PCDHGA1: variants seen among roughly 807,000 people sequenced by gnomAD.
PCDHGA1 encodes the protein protocadherin gamma subfamily A, 1, also known as protocadherin gamma-A1.
A neutral mutation model predicts 58.0 loss-of-function variants in PCDHGA1; 32 were observed. That is an observed-to-expected ratio of 0.55 (90% CI 0.42 to 0.74). PCDHGA1 has a LOEUF of 0.74. Ranked by LOEUF, PCDHGA1 falls within the 30% of genes least tolerant of loss-of-function variation. The pLI is 0.00. For synonymous variants in PCDHGA1, 498 were observed against 501.1 expected (o/e 0.99, Z 0.08); for missense variants, 1,205 against 1,182.3 (o/e 1.02, Z -0.28).
chr5:141,408,865 A>T (rs765751172), intron 1 of PCDHGA1: 9 of 1,613,684 alleles, frequency 5.6e-6, no homozygotes, highest in Admixed American at 1.7e-5. Flanking sequence ...GGGACCCACC[A>T]AGAAGTGCCA....
At chr5:141,352,610 G>T (rs566336530) in intron 1 of PCDHGA1, 5 of 1,613,512 alleles carry the variant, frequency 3.1e-6, no homozygotes, top group Middle Eastern at 1.6e-4. Context: ...TCCTTCTATG[G>T]TTGTATGTGC....
chr5:141,438,526 G>A (rs188552043), intron 1 of PCDHGA1, among the ~76,000 whole-genome samples: 11 of 143,330 alleles, frequency 7.7e-5, no homozygotes, highest in Non-Finnish European at 1.5e-4. Flanking sequence ...ATTTTACATG[G>A]ACTTTTCCTC....
At chr5:141,378,951 C>T (rs1775267163) in intron 1 of PCDHGA1, 1 of 152,180 alleles carries the variant, frequency 6.6e-6, no homozygotes, top group South Asian at 2.1e-4. Context: ...GAATGGAGTA[C>T]AGGGGATTCT....
intron 1 of PCDHGA1, among the ~76,000 whole-genome samples, chr5:141,368,919 AG>A (rs1297427818): frequency 1.3e-5 from 2 of 152,176 alleles, no homozygotes; most frequent in Non-Finnish European, 2.9e-5. Flanking sequence ...GGTGACAATG[AG>A]TGTCTGTCTA....
chr5:141,390,060 C>G, intron 1 of PCDHGA1: 3 of 1,614,082 alleles, frequency 1.9e-6, no homozygotes, highest in Non-Finnish European at 2.5e-6. Flanking sequence ...GAGCTGCTTC[C>G]AGCCTGGTCT....
intron 3 of PCDHGA1, 43 bp downstream of exon 3, chr5:141,505,524 G>A: frequency 6.2e-7 from 1 of 1,612,712 alleles, no homozygotes; most frequent in Non-Finnish European, 8.5e-7. Context: ...GGAGACCTGG[G>A]GTTCTGGGGT....
At position 141,332,408 on chromosome 5, in the gene PCDHGA1, T is replaced by G. The variant is rs1756406230; in HGVS notation, c.1724T>G (p.Val575Gly). The G allele has an allele frequency of 6.2e-7, 1 of 1,613,978 alleles. No homozygotes were observed. The highest frequency in any genetic ancestry group is 1.6e-4 in the Middle Eastern group (1 of 6,078). ...CTCCCCACAGATGGTTCTACCGGCG[T>G]GGAGCTGGCGCCCCTCTCCGCAGAG... ...PALPTDGSTGVELAPLSAEPG... is the reference protein window; with the variant it reads ...PALPTDGSTGGELAPLSAEPG... Residue 575 changes from valine (V) to glycine (G), a missense_variant, in exon 1 of 4, where the codon GTG (valine) becomes GGG (glycine). Transcript: ENST00000517417. This position sits in a 1 kb window ranked among gnomAD's most constrained non-coding sequence, Gnocchi z 4.6.
intron 1 of PCDHGA1, chr5:141,419,788 A>G (rs750179874): frequency 6.2e-7 from 1 of 1,614,054 alleles, no homozygotes; most frequent in Non-Finnish European, 8.5e-7. Context: ...AGCGCCTGCT[A>G]GTCGCTGTAA....
intron 1 of PCDHGA1, chr5:141,365,931 C>T (rs1221190365): frequency 6.2e-7 from 1 of 1,614,112 alleles, no homozygotes; most frequent in African/African-American, 1.3e-5. Flanking sequence ...TGGGTGACAG[C>T]CAGCGACAGT....
chr5:141,339,915 ATGAAATTGATAT>A, intron 1 of PCDHGA1: 1 of 1,614,176 alleles, frequency 6.2e-7, no homozygotes, highest in Non-Finnish European at 8.5e-7. Flanking sequence ...GCTACATTCC[ATGAAATTGATAT>A]TGAAGCTCAG....
At chr5:141,339,988 T>G in intron 1 of PCDHGA1, 3 of 1,614,202 alleles carry the variant, frequency 1.9e-6, no homozygotes, top group African/African-American at 1.3e-5. Flanking sequence ...CGGTTCTGGA[T>G]GTGAATGACA....
intron 1 of PCDHGA1, chr5:141,360,206 T>G: frequency 6.2e-7 from 1 of 1,613,114 alleles, no homozygotes; most frequent in Admixed American, 1.7e-5. Context: ...CTGTTGTCTT[T>G]GTTCCCCGGG....
chr5:141,438,579 CATACATACATACATATAT>C (rs1303045573), intron 1 of PCDHGA1, among the ~76,000 whole-genome samples: 21 of 55,772 alleles, frequency 3.8e-4, no homozygotes, highest in Admixed American at 1.1e-3. Context: ...GATATACATA[CATACATACATACATATAT>C]ATATATATAT....
intron 1 of PCDHGA1, chr5:141,396,409 A>C (rs2093377043): frequency 6.6e-6 from 1 of 152,270 alleles, no homozygotes; most frequent in Non-Finnish European, 1.5e-5. Context: ...ACCTGAGGTC[A>C]GGAGTTCAAG....
Position 141,491,190 on chromosome 5 carries a change from C to A in PCDHGA1, c.2422-3617C>A, listed in dbSNP as rs759736855. On this transcript the variant is annotated intron_variant, in intron 1 of 3. Transcript: ENST00000517417. The surrounding 1 kb of genome is among the most constrained non-coding windows in gnomAD (Gnocchi z 6.9). ...AGCAGGTGGTGGTCCTGGTGAGGGA[C>A]AATGGTGACCCTTCACTCTCCTCCA... 1 of 1,614,192 alleles carries A rather than the reference C, an allele frequency of 6.2e-7. No homozygotes were observed. The highest frequency in any genetic ancestry group is 1.1e-5 in the South Asian group (1 of 91,082).
rs771411620 is a variant in PCDHGA1, at chr5:141,485,551, G to A, written c.2422-9256G>A. ...GAGCAGAGGTAGAGATCGTAGATGT[G>A]AATGATCACGCCCCCCGTTTTCCGC... On this transcript the variant is annotated intron_variant, in intron 1 of 3. Transcript: ENST00000517417. This position sits in a 1 kb window ranked among gnomAD's most constrained non-coding sequence, Gnocchi z 5.7. 1.9e-6 allele frequency: 3 copies of A among 1,613,958 alleles called. No individual in the cohort carries two copies. Among genetic ancestry groups the A allele is most frequent in the Admixed American group, 1.7e-5 (1 of 60,006 alleles).
intron 1 of PCDHGA1, chr5:141,366,646 GC>G: frequency 6.2e-7 from 1 of 1,614,248 alleles, no homozygotes; most frequent in South Asian, 1.1e-5. Context: ...TCTTTCCCCA[GC>G]CCAACTACGC....
chr5:141,409,047 G>A, intron 1 of PCDHGA1: 1 of 1,613,982 alleles, frequency 6.2e-7, no homozygotes, highest in Non-Finnish European at 8.5e-7. Context: ...TACTACTTCC[G>A]AAGCACTGCC....
intron 1 of PCDHGA1, among the ~76,000 whole-genome samples, chr5:141,472,516 G>T (rs545962540): frequency 2.0e-5 from 3 of 152,072 alleles, no homozygotes; most frequent in Non-Finnish European, 4.4e-5. Flanking sequence ...CTCCAGCCTG[G>T]GTGACAGAGT....
Sources: allele counts gnomAD v4.1 joint callset (sites outside exome capture counted in the v4.1 genomes callset), GRCh38; gene constraint gnomAD v4.1.1; non-coding constraint Gnocchi (gnomAD v3.1); transcripts MANE v1.5; gene names NCBI Gene and HGNC (gene_info 2026-07-23, HGNC 2026-07-21).